The following AFG1L variants were observed in gnomAD, a reference collection of about 807,000 sequenced individuals.
AFG1L encodes AFG1 like ATPase, also known as AFG1-like ATPase.
AFG1L carries 53 observed loss-of-function variants against 62.2 expected under a neutral mutation model. The observed-to-expected ratio is 0.85, with a 90% CI of 0.68 to 1.07. The LOEUF (loss-of-function observed/expected upper bound fraction) is 1.07, where lower values mean the gene tolerates loss of function less well. AFG1L is among the 50% of genes least tolerant of loss of function. The probability of loss-of-function intolerance (pLI) is 0.00; values close to 1 mark genes in which losing one functional copy is unlikely to be tolerated. For missense variants in AFG1L, 555 were observed against 590.5 expected, an observed-to-expected ratio of 0.94 and a Z score of 0.62; for synonymous variants, 228 against 210.3, an observed-to-expected ratio of 1.08 and a Z score of -0.73.
At chr6:108,379,000 CTTTTTTT>C (rs931030207) in intron 6 of AFG1L, among the ~76,000 whole-genome samples, 5 of 123,066 alleles carry the variant, frequency 4.1e-5, no homozygotes, top group South Asian at 2.7e-4. Flanking sequence ...TCTCCTTCTT[CTTTTTTT>C]TTTTTTTTTT....
At chr6:108,330,962 A>G (rs1778256409) in intron 2 of AFG1L, among the ~76,000 whole-genome samples, 1 of 152,164 alleles carries the variant, frequency 6.6e-6, no homozygotes, top group Admixed American at 6.5e-5. Flanking sequence ...GATTTTATGA[A>G]CTTTGGATTT....
At chr6:108,458,240 TTCCCC>T (rs1772325067) in intron 8 of AFG1L, among the ~76,000 whole-genome samples, 1 of 152,134 alleles carries the variant, frequency 6.6e-6, no homozygotes, top group African/African-American at 2.4e-5. Context: ...TCCCCATCCC[TTCCCC>T]TCCTCTTCAA....
At chr6:108,380,496 G>C (rs1029167963) in intron 6 of AFG1L, among the ~76,000 whole-genome samples, 3 of 152,160 alleles carry the variant, frequency 2.0e-5, no homozygotes, top group African/African-American at 7.2e-5. Flanking sequence ...AGCTGTAGCA[G>C]CTCTCTTCCG....
intron 1 of AFG1L, among the ~76,000 whole-genome samples, chr6:108,316,598 A>T (rs1777611223): frequency 7.1e-6 from 1 of 140,520 alleles, no homozygotes; most frequent in Non-Finnish European, 1.5e-5. Context: ...CAGTGGTGCG[A>T]TCTCGGCTCA....
At chr6:108,469,546 A>G (rs1271060171) in intron 8 of AFG1L, among the ~76,000 whole-genome samples, 4 of 152,176 alleles carry the variant, frequency 2.6e-5, no homozygotes, top group African/African-American at 9.7e-5. Context: ...TATTAGAGAA[A>G]GTATGAAAAT....
chr6:108,455,713 G>A (rs1772228980), intron 8 of AFG1L, among the ~76,000 whole-genome samples: 1 of 152,022 alleles, frequency 6.6e-6, no homozygotes, highest in South Asian at 2.1e-4. Context: ...TATTAAAAGT[G>A]TGTTATTTAC....
intron 10 of AFG1L, among the ~76,000 whole-genome samples, chr6:108,508,807 C>T (rs547355207): frequency 6.6e-6 from 1 of 152,276 alleles, no homozygotes; most frequent in African/African-American, 2.4e-5. Context: ...CCTAATTCTC[C>T]CAGGAATATC....
In AFG1L at chr6:108,477,986, T is replaced by C. The variant is rs571869451; in HGVS notation, c.1062+694T>C. Among the ~76,000 whole-genome samples, 4 of 152,342 alleles carry C rather than the reference T, an allele frequency of 2.6e-5. No individual in the cohort carries two copies. In the East Asian group the frequency reaches 5.8e-4, roughly 22 times the overall value. On this transcript the variant is annotated intron_variant, in intron 10 of 12. Coordinates refer to ENST00000368977, the MANE Select transcript of AFG1L (RefSeq NM_145315.5). The stretch of plus-strand genomic sequence containing the variant: ...GAGGAAAACAAATCCAAATTAGATA[T>C]AATTTTAAGCATAATTTTTCGATTG...
intron 10 of AFG1L, among the ~76,000 whole-genome samples, chr6:108,500,438 G>T (rs1465902322): frequency 6.6e-6 from 1 of 151,936 alleles, no homozygotes; most frequent in African/African-American, 2.4e-5. Flanking sequence ...TCACACAAAG[G>T]ATATCATTTT....
intron 8 of AFG1L, among the ~76,000 whole-genome samples, chr6:108,451,534 A>G (rs949845106): frequency 6.6e-6 from 1 of 152,172 alleles, no homozygotes; most frequent in African/African-American, 2.4e-5. Context: ...TGGCCCTGTA[A>G]CAACCTCATA....
intron 3 of AFG1L, 37 bp from the exon 4 acceptor site, chr6:108,355,617 A>G (rs1779242957): frequency 9.3e-7 from 1 of 1,072,108 alleles, no homozygotes; most frequent in Non-Finnish European, 1.4e-6. Flanking sequence ...AGTACATACT[A>G]TTTAATAGTA....
intron 1 of AFG1L, among the ~76,000 whole-genome samples, chr6:108,302,082 G>C (rs767224406): frequency 1.3e-5 from 2 of 152,056 alleles, no homozygotes; most frequent in Admixed American, 6.6e-5. Context: ...GAGTAGCTGG[G>C]ATTTCAGGTG....
At chr6:108,374,696 G>T (rs191917904) in intron 6 of AFG1L, among the ~76,000 whole-genome samples, 103 of 152,200 alleles carry the variant, frequency 6.8e-4, no homozygotes, top group African/African-American at 2.3e-3. Flanking sequence ...CTATATGTCT[G>T]TTTTGGTACC....
chr6:108,322,968 A>T (rs1357502946), intron 1 of AFG1L, among the ~76,000 whole-genome samples: 1 of 152,224 alleles, frequency 6.6e-6, no homozygotes, highest in Non-Finnish European at 1.5e-5. Flanking sequence ...TTTGAAGCAG[A>T]CACTCTTGCT....
chr6:108,309,105 CA>C (rs1186872278), intron 1 of AFG1L, among the ~76,000 whole-genome samples: 1 of 152,180 alleles, frequency 6.6e-6, no homozygotes, highest in Non-Finnish European at 1.5e-5. Flanking sequence ...AAGGTATTTT[CA>C]TATGTTCTTT....
intron 7 of AFG1L, among the ~76,000 whole-genome samples, chr6:108,404,270 C>G (rs1450143887): frequency 6.6e-6 from 1 of 151,954 alleles, no homozygotes; most frequent in Non-Finnish European, 1.5e-5. Flanking sequence ...TTATTATAAA[C>G]AAGATAGAAA....
rs1775212026 is a variant in AFG1L at position 108,523,635 on chromosome 6, ATTATTT to A, written c.*1219_*1224del. On this transcript the variant is annotated 3_prime_UTR_variant, in exon 13 of 13. Transcript: ENST00000368977. The stretch of plus-strand genomic sequence containing the variant: ...TGAACCTATTTATTTTCTATTTATT[ATTATTT>A]TTATTTTTTATATCTTGGCCACTCT... The A allele has an allele frequency of 6.6e-6, 1 of 152,126 alleles. No homozygotes were observed. Among genetic ancestry groups the A allele is most frequent in the Admixed American group, 6.6e-5 (1 of 15,264 alleles). 9.4% of individuals were successfully genotyped at this position (152,126 alleles called of 1,614,324 possible). A position where few individuals can be genotyped will look rare whatever the true frequency, so the allele number is the denominator to read the frequency against.
At chr6:108,409,933 AT>A (rs1246024499) in intron 7 of AFG1L, among the ~76,000 whole-genome samples, 1 of 152,252 alleles carries the variant, frequency 6.6e-6, no homozygotes, top group Non-Finnish European at 1.5e-5. Flanking sequence ...GAAAACTTTC[AT>A]GAAAGAAAGT....
intron 7 of AFG1L, among the ~76,000 whole-genome samples, chr6:108,443,678 C>T (rs1379266442): frequency 6.6e-6 from 1 of 151,964 alleles, no homozygotes; most frequent in Non-Finnish European, 1.5e-5. Flanking sequence ...AGTTCGAGAC[C>T]AGCTTGGCCA....
Sources: allele counts gnomAD v4.1 joint callset (sites outside exome capture counted in the v4.1 genomes callset), GRCh38; gene constraint gnomAD v4.1.1; transcripts MANE v1.5; gene names NCBI Gene and HGNC (gene_info 2026-07-23, HGNC 2026-07-21).